The following FHIP2A variants were observed in gnomAD, a reference collection of about 807,000 sequenced individuals.
The protein encoded by FHIP2A is FHF complex subunit HOOK interacting protein 2A.
Under a neutral mutation model 93.5 loss-of-function variants are expected in FHIP2A, and 46 were observed. That is an observed-to-expected ratio of 0.49 (90% CI 0.39 to 0.63). FHIP2A has a LOEUF of 0.63. Among genes scored for constraint, FHIP2A ranks in the 20% least tolerant of loss-of-function variants. The probability of loss-of-function intolerance (pLI) is 0.00; values close to 1 mark genes in which losing one functional copy is unlikely to be tolerated. For synonymous variants in FHIP2A, 332 were observed against 326.5 expected (o/e 1.02, Z -0.18); for missense variants, 769 against 909.7 (o/e 0.85, Z 1.99).
intron 16 of FHIP2A, among the ~76,000 whole-genome samples, chr10:114,892,407 G>A (rs1185497208): frequency 6.6e-6 from 1 of 152,146 alleles, no homozygotes; most frequent in Non-Finnish European, 1.5e-5. Flanking sequence ...AGTGTTCGAG[G>A]TGGGTGGATC....
At position 114,864,433 on chromosome 10, in the gene FHIP2A, G is replaced by A. The variant is rs1024031024; in HGVS notation, c.*2893G>A. ...CATGGTAGATAATCACATTTTCTGG[G>A]CCCTGTAAAATAGTGTTACTGTAAT... On this transcript the variant is annotated 3_prime_UTR_variant, in exon 17 of 17. Transcript: ENST00000369248. 2 of 985,634 alleles carry A rather than the reference G, an allele frequency of 2.0e-6. No individual in the cohort carries two copies. The highest frequency in any genetic ancestry group is 1.7e-5 in the African/African-American group (1 of 57,208). The allele number at this position is 985,634 out of a possible 1,614,324, so 61.1% of individuals were successfully genotyped here. A position where few individuals can be genotyped will look rare whatever the true frequency, so the allele number is the denominator to read the frequency against.
chr10:114,895,749 T>C (rs923759523), intron 16 of FHIP2A, among the ~76,000 whole-genome samples: 3 of 152,184 alleles, frequency 2.0e-5, no homozygotes, highest in Non-Finnish European at 2.9e-5. Context: ...GTCTGGTGCT[T>C]GATCCAATCT....
In FHIP2A at chr10:114,861,554, T is replaced by G; in HGVS notation, c.*14T>G. The G allele has an allele frequency of 1.2e-6, 2 of 1,611,982 alleles. No individual in the cohort carries two copies. The highest frequency in any genetic ancestry group is 1.7e-6 in the Non-Finnish European group (2 of 1,179,752). ...TCCACACCATAAATAACATCTTTCATGTAACTGGGGGAACAGAACTACTGT... is the reference window on the plus strand; with the variant it reads ...TCCACACCATAAATAACATCTTTCAGGTAACTGGGGGAACAGAACTACTGT... On this transcript the variant is annotated 3_prime_UTR_variant, in exon 17 of 17. Coordinates refer to ENST00000369248, the MANE Select transcript of FHIP2A (RefSeq NM_020940.4).
downstream of FHIP2A, among the ~76,000 whole-genome samples, chr10:114,867,171 T>C (rs2083833489): frequency 1.3e-5 from 2 of 149,164 alleles, no homozygotes; most frequent in South Asian, 2.1e-4. Context: ...ATCACGCCAC[T>C]GCACTCCAGT....
In FHIP2A at chr10:114,847,201, T is replaced by C; in HGVS notation, c.1680T>C (p.Asp560=). The change falls in exon 12 of 17, where the codon GAT becomes GAC. Residue 560 remains aspartate, a synonymous_variant. Coordinates refer to ENST00000369248, the MANE Select transcript of FHIP2A (RefSeq NM_020940.4). ...PPATPDHPKN[D]GKTEVHKIVN... ...CTACTCCAGACCACCCCAAAAATGATGGAAAAACTGAAGTTCATAAAATTG... is the reference window on the plus strand; with the variant it reads ...CTACTCCAGACCACCCCAAAAATGACGGAAAAACTGAAGTTCATAAAATTG... The C allele has an allele frequency of 6.2e-7, 1 of 1,612,538 alleles. No homozygotes were observed. Among genetic ancestry groups the C allele is most frequent in the Non-Finnish European group, 8.5e-7 (1 of 1,179,548 alleles).
chr10:114,864,700 A>C lies in FHIP2A; in HGVS notation c.*3160A>C. The C allele has an allele frequency of 1.0e-6, 1 of 984,094 alleles. No individual in the cohort carries two copies. The allele number at this position is 984,094 out of a possible 1,614,324, so 61.0% of individuals were successfully genotyped here. On this transcript the variant is annotated 3_prime_UTR_variant, in exon 17 of 17. Coordinates refer to ENST00000369248, the MANE Select transcript of FHIP2A (RefSeq NM_020940.4). Reference sequence around the variant, plus strand: ...AAGAGGGATGATCTAAAAAATAAATAATGTAATTTAAACAAAACGTCTTAT... The same window carrying C: ...AAGAGGGATGATCTAAAAAATAAATCATGTAATTTAAACAAAACGTCTTAT...
In FHIP2A at chr10:114,863,582, A is replaced by G. The variant is rs776788096; in HGVS notation, c.*2042A>G. The G allele has an allele frequency of 6.6e-5, 83 of 1,251,556 alleles. No individual in the cohort carries two copies. Among genetic ancestry groups the G allele is most frequent in the Non-Finnish European group, 7.8e-5 (76 of 974,430 alleles). 77.5% of individuals were successfully genotyped at this position (1,251,556 alleles called of 1,614,324 possible). The stretch of plus-strand genomic sequence containing the variant: ...TAATGACTTTAATTTGTAATCAGCT[A>G]AGGCTTAAGATTTCATTTGTTTCTA... On this transcript the variant is annotated 3_prime_UTR_variant, in exon 17 of 17. Coordinates refer to ENST00000369248, the MANE Select transcript of FHIP2A (RefSeq NM_020940.4).
At chr10:114,822,328 C>G (rs1402009250) in intron 1 of FHIP2A, among the ~76,000 whole-genome samples, 2 of 151,628 alleles carry the variant, frequency 1.3e-5, no homozygotes, top group Admixed American at 6.6e-5. Flanking sequence ...GCGGGGGTCC[C>G]GTCGGTCCCT....
intron 16 of FHIP2A, among the ~76,000 whole-genome samples, chr10:114,877,124 C>G (rs1260079085): frequency 6.6e-6 from 1 of 152,162 alleles, no homozygotes; most frequent in African/African-American, 2.4e-5. Flanking sequence ...ACAACGAACT[C>G]AAGGGAGCTT....
At chr10:114,855,469 TC>T (rs2143012611) in intron 14 of FHIP2A, 129 bp downstream of exon 14, 1 of 786,928 alleles carries the variant, frequency 1.3e-6, no homozygotes, top group South Asian at 2.1e-5. Context: ...GATGACTTTT[TC>T]ATGAAGCTTG....
chr10:114,839,350 C>T (rs982162437), intron 5 of FHIP2A, among the ~76,000 whole-genome samples: 2 of 152,198 alleles, frequency 1.3e-5, no homozygotes, highest in Admixed American at 6.5e-5. Flanking sequence ...TGGTCTCAAA[C>T]TCCCAACCTC....
chr10:114,830,270 C>CTTTTTTTT (rs5788083), intron 1 of FHIP2A, among the ~76,000 whole-genome samples: 4 of 105,490 alleles, frequency 3.8e-5, no homozygotes, highest in African/African-American at 1.5e-4. Context: ...CTGAAACCTA[C>CTTTTTTTT]TTTTTTTTTT....
chr10:114,868,573 A>G (rs2083841990), downstream of FHIP2A, among the ~76,000 whole-genome samples: 1 of 152,072 alleles, frequency 6.6e-6, no homozygotes, highest in African/African-American at 2.4e-5. Flanking sequence ...GAATATATAT[A>G]TATTTTAAAT....
chr10:114,870,156 G>T (rs2083850050), intron 16 of FHIP2A, among the ~76,000 whole-genome samples: 1 of 152,124 alleles, frequency 6.6e-6, no homozygotes, highest in African/African-American at 2.4e-5. Flanking sequence ...TTCCTCCAGT[G>T]ATCTGTGTAA....
intron 5 of FHIP2A, among the ~76,000 whole-genome samples, chr10:114,841,329 G>T (rs1002727517): frequency 3.6e-4 from 43 of 119,878 alleles, no homozygotes; most frequent in Middle Eastern, 7.2e-3. Flanking sequence ...GTCTTGCTCT[G>T]TTGCCCAGGC....
rs76558571 is a variant in FHIP2A, at chr10:114,826,212, T to A, written c.45+4089T>A. 4.5e-3 allele frequency among the ~76,000 whole-genome samples: 680 copies of A among 152,318 alleles called. 5 individuals carry two copies. Among genetic ancestry groups the A allele is most frequent in the African/African-American group, 0.016 (668 of 41,578 alleles). Reference sequence around the variant, plus strand: ...ACAAGGTGGACTTGGTGTGCTTGTGTCCTTGGTCACAATGCTTACAGTCTC... The same window carrying A: ...ACAAGGTGGACTTGGTGTGCTTGTGACCTTGGTCACAATGCTTACAGTCTC... On this transcript the variant is annotated intron_variant, in intron 1 of 16. Transcript: ENST00000369248.
chr10:114,859,588 C>T (rs2143013035), intron 14 of FHIP2A, among the ~76,000 whole-genome samples: 1 of 152,310 alleles, frequency 6.6e-6, no homozygotes, highest in South Asian at 2.1e-4. Context: ...TTTCCTTTGG[C>T]TGCTTAGAAG....
At chr10:114,892,499 G>A (rs7910281) in intron 16 of FHIP2A, among the ~76,000 whole-genome samples, 2,598 of 152,196 alleles carry the variant, frequency 0.017, 81 homozygotes, top group African/African-American at 0.059. Context: ...TTAGCTGGGC[G>A]AGGTGGCGGG....
At chr10:114,879,397 C>T (rs2143014974) in intron 16 of FHIP2A, among the ~76,000 whole-genome samples, 1 of 131,462 alleles carries the variant, frequency 7.6e-6, no homozygotes, top group Non-Finnish European at 1.7e-5. Context: ...GAGAAGGAAA[C>T]AGATCTCATC....
Sources: allele counts gnomAD v4.1 joint callset (sites outside exome capture counted in the v4.1 genomes callset), GRCh38; gene constraint gnomAD v4.1.1; transcripts MANE v1.5; gene names NCBI Gene and HGNC (gene_info 2026-07-23, HGNC 2026-07-21).